ZSWIM6: variants seen among roughly 807,000 people sequenced by gnomAD.
The protein encoded by ZSWIM6 is zinc finger SWIM domain-containing protein 6.
ZSWIM6 carries 9 observed loss-of-function variants against 113.2 expected under a neutral mutation model. The ratio of observed to expected loss-of-function variants is 0.08; its 90% CI spans 0.05 to 0.14. The LOEUF (loss-of-function observed/expected upper bound fraction) is 0.14. ZSWIM6 is among the 10% of genes least tolerant of loss of function. The probability of loss-of-function intolerance (pLI) is 1.00; values close to 1 mark genes in which losing one functional copy is unlikely to be tolerated. For synonymous variants in ZSWIM6, 611 were observed against 606.5 expected, an observed-to-expected ratio of 1.01 and a Z score of -0.11; for missense variants, 1,162 against 1,552.2, an observed-to-expected ratio of 0.75 and a Z score of 4.22.
intron 2 of ZSWIM6, among the ~76,000 whole-genome samples, chr5:61,475,851 T>G (rs554081195): frequency 3.3e-5 from 5 of 152,222 alleles, no homozygotes; most frequent in Non-Finnish European, 7.3e-5. Flanking sequence ...TATAAAGATC[T>G]GTATGTAAGC....
intron 1 of ZSWIM6, among the ~76,000 whole-genome samples, chr5:61,434,226 AATAC>A (rs1439805439): frequency 6.7e-6 from 1 of 148,288 alleles, no homozygotes; most frequent in Non-Finnish European, 1.5e-5. Flanking sequence ...AAATATGTAT[AATAC>A]ATATATACAC....
intron 1 of ZSWIM6, among the ~76,000 whole-genome samples, chr5:61,449,193 T>C (rs1057043637): frequency 3.3e-5 from 5 of 152,226 alleles, no homozygotes; most frequent in Non-Finnish European, 5.9e-5. Flanking sequence ...TATAATTACA[T>C]TGGTTTCTCA....
At chr5:61,389,363 G>T (rs1354725671) in intron 1 of ZSWIM6, among the ~76,000 whole-genome samples, 1 of 151,792 alleles carries the variant, frequency 6.6e-6, no homozygotes, top group Non-Finnish European at 1.5e-5. Context: ...AGACCATCCT[G>T]GCCAACATGG....
At chr5:61,380,621 T>C (rs772356151) in intron 1 of ZSWIM6, among the ~76,000 whole-genome samples, 13 of 152,170 alleles carry the variant, frequency 8.5e-5, no homozygotes, top group Non-Finnish European at 1.8e-4. Context: ...GAAATGCTGA[T>C]CCAGGTAGGA....
chr5:61,362,757 G>T (rs1315809697), intron 1 of ZSWIM6, among the ~76,000 whole-genome samples: 1 of 152,126 alleles, frequency 6.6e-6, no homozygotes, highest in Non-Finnish European at 1.5e-5. Context: ...TTTATTTCCA[G>T]GTCTGACTGC....
intron 1 of ZSWIM6, among the ~76,000 whole-genome samples, chr5:61,402,495 T>C (rs1373932008): frequency 6.6e-6 from 1 of 152,080 alleles, no homozygotes; most frequent in Non-Finnish European, 1.5e-5. Flanking sequence ...TAAAATTTTG[T>C]AGCATGGATT....
At chr5:61,445,116 A>G (rs1746923727) in intron 1 of ZSWIM6, among the ~76,000 whole-genome samples, 1 of 152,236 alleles carries the variant, frequency 6.6e-6, no homozygotes, top group Non-Finnish European at 1.5e-5. Context: ...TACTCATTGC[A>G]TATGTCTAAT....
chr5:61,456,373 A>C (rs945734136), intron 1 of ZSWIM6, among the ~76,000 whole-genome samples: 13 of 152,188 alleles, frequency 8.5e-5, no homozygotes, highest in Non-Finnish European at 1.8e-4. Flanking sequence ...TTGGTTAACA[A>C]AATGCTGAAT....
At chr5:61,346,038 G>A (rs1052562707) in intron 1 of ZSWIM6, among the ~76,000 whole-genome samples, 2 of 152,158 alleles carry the variant, frequency 1.3e-5, no homozygotes, top group East Asian at 1.9e-4. Flanking sequence ...TCCGCCTCCC[G>A]GGTTCAAGTG....
intron 2 of ZSWIM6, among the ~76,000 whole-genome samples, chr5:61,483,483 A>G (rs1747931125): frequency 1.3e-5 from 2 of 152,128 alleles, no homozygotes; most frequent in Non-Finnish European, 2.9e-5. Flanking sequence ...TTGCTATTAG[A>G]TTTTTCTCCA....
chr5:61,507,360 T>C (rs1250638446), intron 4 of ZSWIM6, among the ~76,000 whole-genome samples: 1 of 152,096 alleles, frequency 6.6e-6, no homozygotes, highest in African/African-American at 2.4e-5. Context: ...GTTTTATTGG[T>C]GTTGGGGGGT....
At chr5:61,346,094 A>G (rs1579943346) in intron 1 of ZSWIM6, among the ~76,000 whole-genome samples, 1 of 150,164 alleles carries the variant, frequency 6.7e-6, no homozygotes, top group East Asian at 2.0e-4. Flanking sequence ...ACAGGCGCCC[A>G]TCACCACGCC....
At chr5:61,405,388 A>T (rs1364689188) in intron 1 of ZSWIM6, among the ~76,000 whole-genome samples, 1 of 152,030 alleles carries the variant, frequency 6.6e-6, no homozygotes, top group Non-Finnish European at 1.5e-5. Context: ...TCATCTTTTT[A>T]TTAGTGAGAA....
intron 1 of ZSWIM6, among the ~76,000 whole-genome samples, chr5:61,467,155 A>G (rs1747452848): frequency 6.6e-6 from 1 of 152,232 alleles, no homozygotes; most frequent in Non-Finnish European, 1.5e-5. Flanking sequence ...ATCACTCTTA[A>G]TAATGGAAGT....
intron 1 of ZSWIM6, among the ~76,000 whole-genome samples, chr5:61,382,672 G>T (rs1255162039): frequency 6.6e-6 from 1 of 152,136 alleles, no homozygotes; most frequent in Non-Finnish European, 1.5e-5. Context: ...GGGCATGGTG[G>T]TGCACTCTGG....
rs964476827 is a variant in ZSWIM6, at chr5:61,467,693, G to A, written c.677-4988G>A. Among the ~76,000 whole-genome samples, 4 of 152,096 alleles carry A rather than the reference G, an allele frequency of 2.6e-5. 1 individual carries two copies. In the South Asian group the frequency reaches 6.2e-4, roughly 24 times the overall value. ...CCCTAATACTTTCTAGTTTCTCTCT[G>A]TATGAAAGTAACACTCTTTTACAAA... is the stretch of plus-strand genomic sequence containing the variant. On this transcript the variant is annotated intron_variant, in intron 1 of 13. Transcript: ENST00000252744.
intron 4 of ZSWIM6, among the ~76,000 whole-genome samples, chr5:61,516,450 A>ATG (rs1748942294): frequency 6.8e-6 from 1 of 146,364 alleles, no homozygotes; most frequent in South Asian, 2.1e-4. Flanking sequence ...ATACATATAT[A>ATG]TATATATAAA....
At chr5:61,438,761 T>A (rs1746764089) in intron 1 of ZSWIM6, among the ~76,000 whole-genome samples, 1 of 152,162 alleles carries the variant, frequency 6.6e-6, no homozygotes, top group Non-Finnish European at 1.5e-5. Flanking sequence ...CCTTTACATG[T>A]AATGAATAGT....
intron 1 of ZSWIM6, among the ~76,000 whole-genome samples, chr5:61,357,472 A>G (rs979065661): frequency 7.2e-5 from 11 of 151,904 alleles, no homozygotes; most frequent in Non-Finnish European, 1.3e-4. Context: ...TACCTAAAGA[A>G]GAGATGGAAG....
Sources: gnomAD v4.1 joint callset for allele counts (sites outside exome capture counted in the v4.1 genomes callset) on GRCh38, gnomAD v4.1.1 for gene constraint, MANE v1.5 for transcripts, NCBI Gene and HGNC (gene_info 2026-07-23, HGNC 2026-07-21) for gene names.